The following GLIS1 variants were observed in gnomAD, a reference collection of about 807,000 sequenced individuals.
The protein encoded by GLIS1 is GLIS family zinc finger 1, also known as zinc finger protein GLIS1.
Under a neutral mutation model 63.8 loss-of-function variants are expected in GLIS1, and 24 were observed. That is an observed-to-expected ratio of 0.38 (90% CI 0.27 to 0.53). The LOEUF (loss-of-function observed/expected upper bound fraction) is 0.53, where lower values mean the gene tolerates loss of function less well. GLIS1 is among the 20% of genes least tolerant of loss of function. The pLI, the probability that GLIS1 is intolerant of heterozygous loss-of-function variation, is 0.85. For missense variants in GLIS1, 1,036 were observed against 1,074.1 expected (o/e 0.96, Z 0.50); for synonymous variants, 450 against 482.5 (o/e 0.93, Z 0.88).
Position 53,514,782 on chromosome 1 carries a change from C to G in GLIS1, c.1727-1G>C, listed in dbSNP as rs915019765. 3.8e-6 allele frequency: 6 copies of G among 1,581,344 alleles called. No homozygotes were observed. The highest frequency in any genetic ancestry group is 5.2e-6 in the Non-Finnish European group (6 of 1,164,114). ...GGGGTGATGGAGCCAGGATACACAC[C>G]TGCAGGGAATCAAACAAGGCTCACT... On this transcript the variant is annotated splice_acceptor_variant, in intron 7 of 10. Transcript: ENST00000628545. LOFTEE classifies it high-confidence loss of function.
At chr1:53,514,110 T>C (rs1483832165) in intron 8 of GLIS1, among the ~76,000 whole-genome samples, 1 of 152,188 alleles carries the variant, frequency 6.6e-6, no homozygotes, top group African/African-American at 2.4e-5. Context: ...AGGCTGCCCC[T>C]CTCCACAGTG....
chr1:53,726,074 C>A (rs1646802276), intron 2 of GLIS1, among the ~76,000 whole-genome samples: 1 of 152,188 alleles, frequency 6.6e-6, no homozygotes, highest in Non-Finnish European at 1.5e-5. Flanking sequence ...ATCTGGAACA[C>A]CTGACTCTTT....
chr1:53,565,843 A>T (rs1254789894), intron 4 of GLIS1, among the ~76,000 whole-genome samples: 1 of 152,154 alleles, frequency 6.6e-6, no homozygotes, highest in Non-Finnish European at 1.5e-5. Flanking sequence ...AACTCACTCC[A>T]TAAGACCAAT....
chr1:53,697,652 C>T (rs1235762712), intron 2 of GLIS1, among the ~76,000 whole-genome samples: 1 of 152,230 alleles, frequency 6.6e-6, no homozygotes, highest in African/African-American at 2.4e-5. Flanking sequence ...GAAGGACCTA[C>T]CCATCCATCA....
chr1:53,552,555 C>T (rs1644770668), intron 4 of GLIS1, among the ~76,000 whole-genome samples: 1 of 152,224 alleles, frequency 6.6e-6, no homozygotes, highest in Non-Finnish European at 1.5e-5. Context: ...CTCTGGTTTT[C>T]CTCTGGGGTG....
intron 2 of GLIS1, among the ~76,000 whole-genome samples, chr1:53,647,365 G>A (rs1449340934): frequency 6.6e-6 from 1 of 152,160 alleles, no homozygotes; most frequent in African/African-American, 2.4e-5. Flanking sequence ...ATAGGCTAAT[G>A]GAACAGAACA....
At chr1:53,555,747 T>A (rs192313196) in intron 4 of GLIS1, among the ~76,000 whole-genome samples, 175 of 152,224 alleles carry the variant, frequency 1.1e-3, no homozygotes, top group African/African-American at 3.9e-3. Context: ...TGTATGCAGG[T>A]GTACTGCAGG....
chr1:53,628,640 C>T (rs962514593), intron 2 of GLIS1, among the ~76,000 whole-genome samples: 5 of 152,098 alleles, frequency 3.3e-5, no homozygotes, highest in African/African-American at 4.8e-5. Context: ...CAAGATCAAG[C>T]GGGATGTGCA....
intron 8 of GLIS1, 70 bp downstream of exon 8, chr1:53,514,555 C>G: frequency 1.3e-6 from 2 of 1,500,484 alleles, no homozygotes; most frequent in Non-Finnish European, 1.8e-6. Flanking sequence ...TGCGGGACAC[C>G]TGCTCTCCCT....
chr1:53,626,190 C>T (rs1645592228), intron 2 of GLIS1, among the ~76,000 whole-genome samples: 1 of 152,216 alleles, frequency 6.6e-6, no homozygotes, highest in Non-Finnish European at 1.5e-5. Flanking sequence ...ATGACCAGAA[C>T]CTGGCCAAAT....
chr1:53,516,484 T>G (rs1244280281), intron 7 of GLIS1, among the ~76,000 whole-genome samples: 2 of 151,684 alleles, frequency 1.3e-5, no homozygotes, highest in Non-Finnish European at 2.9e-5. Context: ...CAGCAGGGCC[T>G]GTGGCAAAGG....
rs943748401 is a variant in GLIS1, at chr1:53,560,317, G to C, written c.1321-30365C>G. On this transcript the variant is annotated intron_variant, in intron 4 of 10. Transcript: ENST00000628545. The surrounding 1 kb of genome is among the most constrained non-coding windows in gnomAD (Gnocchi z 4.4). ...CACTGAGGGAAGACAAGGAGCCCTA[G>C]GGGTTGCTGGGCCTGCCCCTGCCCA... 1.3e-5 allele frequency among the ~76,000 whole-genome samples: 2 copies of C among 152,158 alleles called. No homozygotes were observed. Among genetic ancestry groups the C allele is most frequent in the African/African-American group, 4.8e-5 (2 of 41,446 alleles).
chr1:53,705,409 A>G (rs1557532003), intron 2 of GLIS1, among the ~76,000 whole-genome samples: 1 of 152,214 alleles, frequency 6.6e-6, no homozygotes, highest in Non-Finnish European at 1.5e-5. Context: ...TGATCAATAC[A>G]GGATCTTAGA....
intron 4 of GLIS1, among the ~76,000 whole-genome samples, chr1:53,583,796 C>G (rs1048344067): frequency 6.6e-6 from 1 of 152,222 alleles, no homozygotes; most frequent in African/African-American, 2.4e-5. Context: ...GGCCCCAGTC[C>G]TGGCAGTGGA....
At chr1:53,541,677 G>A (rs1263129662) in intron 4 of GLIS1, among the ~76,000 whole-genome samples, 1 of 152,254 alleles carries the variant, frequency 6.6e-6, no homozygotes, top group Non-Finnish European at 1.5e-5. Flanking sequence ...AACCAACCAG[G>A]GAGGGAAGGA....
rs529283498 is a variant in GLIS1 at position 53,539,971 on chromosome 1, C to A, written c.1321-10019G>T. Among the ~76,000 whole-genome samples, 2 of 152,218 alleles carry A rather than the reference C, an allele frequency of 1.3e-5. No homozygotes were observed. The highest frequency in any genetic ancestry group is 2.9e-5 in the Non-Finnish European group (2 of 68,034). On this transcript the variant is annotated intron_variant, in intron 4 of 10. Transcript: ENST00000628545. The surrounding 1 kb of genome is among the most constrained non-coding windows in gnomAD (Gnocchi z 5.0). Reference sequence around the variant, plus strand: ...TGCCGCCTCCACGCCTTTGCCCATGCGGTGTCCTCTGCTCAAGGTGCCCCT... The same window carrying A: ...TGCCGCCTCCACGCCTTTGCCCATGAGGTGTCCTCTGCTCAAGGTGCCCCT...
intron 7 of GLIS1, among the ~76,000 whole-genome samples, chr1:53,518,125 C>G (rs1644370830): frequency 6.6e-6 from 1 of 152,196 alleles, no homozygotes; most frequent in African/African-American, 2.4e-5. Flanking sequence ...AGGCCGGATC[C>G]TAGGGGATCC....
intron 3 of GLIS1, among the ~76,000 whole-genome samples, chr1:53,595,835 C>G (rs1353051849): frequency 6.6e-6 from 1 of 152,202 alleles, no homozygotes; most frequent in East Asian, 1.9e-4. Context: ...GAAGTGCAGT[C>G]CTGGTGGGGG....
At chr1:53,535,349 T>C (rs1232415199) in intron 4 of GLIS1, among the ~76,000 whole-genome samples, 1 of 152,040 alleles carries the variant, frequency 6.6e-6, no homozygotes, top group Non-Finnish European at 1.5e-5. Context: ...GAGCTGTCAC[T>C]GTTTCTTCCA....
Sources: allele counts gnomAD v4.1 joint callset (sites outside exome capture counted in the v4.1 genomes callset), GRCh38; gene constraint gnomAD v4.1.1; non-coding constraint Gnocchi (gnomAD v3.1); transcripts MANE v1.5; gene names NCBI Gene and HGNC (gene_info 2026-07-23, HGNC 2026-07-21).